Variants in SETDB1 observed in about 807,000 individuals in gnomAD.
SETDB1 encodes SET domain bifurcated histone lysine methyltransferase 1.
A neutral mutation model predicts 137.4 loss-of-function variants in SETDB1; 31 were observed. The ratio of observed to expected loss-of-function variants is 0.23; its 90% CI spans 0.17 to 0.30. SETDB1 has a LOEUF of 0.30. SETDB1 is among the 10% of genes least tolerant of loss of function. The pLI is 1.00. For missense variants in SETDB1, 1,113 were observed against 1,631.5 expected (o/e 0.68, Z 5.47); for synonymous variants, 548 against 579.9 (o/e 0.95, Z 0.79).
At chr1:150,946,056 G>T (rs183428470) in intron 9 of SETDB1, among the ~76,000 whole-genome samples, 3 of 151,964 alleles carry the variant, frequency 2.0e-5, no homozygotes, top group Admixed American at 6.6e-5. Context: ...GTCTCACTCT[G>T]CCACCCAGGC....
chr1:150,953,412 G>C (rs746799728), intron 14 of SETDB1, among the ~76,000 whole-genome samples: 19 of 151,626 alleles, frequency 1.3e-4, no homozygotes, highest in Non-Finnish European at 2.6e-4. Flanking sequence ...TGTAATCCCA[G>C]CTACTTGGGA....
intron 14 of SETDB1, among the ~76,000 whole-genome samples, chr1:150,954,326 A>C (rs1383895801): frequency 1.3e-5 from 2 of 152,156 alleles, no homozygotes; most frequent in East Asian, 3.8e-4. Context: ...TCTTATCTCT[A>C]AAACAAGAGG....
intron 5 of SETDB1, among the ~76,000 whole-genome samples, chr1:150,941,838 A>AG (rs1199520697): frequency 6.6e-6 from 1 of 152,064 alleles, no homozygotes. Context: ...ACAAAAAAAA[A>AG]TGTTTAAAAA....
In SETDB1 at chr1:150,963,129, G is replaced by T. The variant is rs755383271; in HGVS notation, c.3450G>T (p.Lys1150Asn). ...AAGGGGATGACTTTGAGGACAAGAA[G>T]AACATGACTGGTAGCCTGGAAAAAT... Reference protein sequence around the residue: ...GSEGDDFEDKKNMTGPMKRQV... With the variant: ...GSEGDDFEDKNNMTGPMKRQV... The change falls in exon 19 of 22, where the codon AAG becomes AAT. Residue 1150 changes from lysine (K) to asparagine (N), a missense_variant. Transcript: ENST00000692827. The T allele has an allele frequency of 1.1e-5, 17 of 1,611,748 alleles. No individual in the cohort carries two copies. In the Admixed American group the frequency reaches 2.3e-4, roughly 22 times the overall value.
chr1:150,933,779 C>CTTTTTTT lies in SETDB1; in HGVS notation c.412+3675_412+3681dup, dbSNP rs890205371. ...TCTTTTTCTTTTTCTTTTTCTTTTT[C>CTTTTTTT]TTTTTTTTTTTTTTTTTTTTGAGAT... On this transcript the variant is annotated intron_variant, in intron 3 of 21. Transcript: ENST00000692827. 2.4e-3 allele frequency among the ~76,000 whole-genome samples: 49 copies of CTTTTTTT among 20,096 alleles called. 1 individual carries two copies. Among genetic ancestry groups the CTTTTTTT allele is most frequent in the Middle Eastern group, 0.022 (1 of 46 alleles). 13.2% of individuals were successfully genotyped at this position (20,096 alleles called of 152,430 possible). A position where few individuals can be genotyped will look rare whatever the true frequency, so the allele number is the denominator to read the frequency against.
intron 14 of SETDB1, among the ~76,000 whole-genome samples, chr1:150,955,972 G>A (rs587615492): frequency 1.4e-3 from 206 of 152,100 alleles, no homozygotes; most frequent in Non-Finnish European, 2.6e-3. Flanking sequence ...CATGCCTGTA[G>A]TGCTAGCTAC....
At chr1:150,932,135 C>T (rs927649447) in intron 3 of SETDB1, among the ~76,000 whole-genome samples, 4 of 151,588 alleles carry the variant, frequency 2.6e-5, no homozygotes, top group Non-Finnish European at 4.4e-5. Flanking sequence ...CCTGAAATCC[C>T]AGCACCTTGG....
At chr1:150,933,783 T>C (rs1400827958) in intron 3 of SETDB1, among the ~76,000 whole-genome samples, 80 of 138,788 alleles carry the variant, frequency 5.8e-4, no homozygotes, top group Middle Eastern at 3.5e-3. Context: ...CTTTTTCTTT[T>C]TTTTTTTTTT....
rs1014205316 is a variant in SETDB1 at position 150,948,745 on chromosome 1, C to T, written c.1268-377C>T. 3.4e-5 allele frequency among the ~76,000 whole-genome samples: 5 copies of T among 148,858 alleles called. No homozygotes were observed. In the South Asian group the frequency reaches 6.4e-4, roughly 19 times the overall value. ...CCATTGCTGCTTTTTTTTTTTGAGACGAAGTCTTGTTCTGTTGCCCAGGCT... is the reference window on the plus strand; with the variant it reads ...CCATTGCTGCTTTTTTTTTTTGAGATGAAGTCTTGTTCTGTTGCCCAGGCT... On this transcript the variant is annotated intron_variant, in intron 10 of 21. Coordinates refer to ENST00000692827, the MANE Select transcript of SETDB1 (RefSeq NM_001366418.1).
Position 150,941,391 on chromosome 1 carries a change from T to C in SETDB1, c.510T>C (p.Ala170=). The change falls in exon 5 of 22, where the codon GCT becomes GCC. Residue 170 remains alanine (A), a synonymous_variant. Coordinates refer to ENST00000692827, the MANE Select transcript of SETDB1 (RefSeq NM_001366418.1). The part of the protein sequence containing the change: ...SAQDVQKFMD[A]VNKKSSSQDL... ...AAGATGTTCAGAAGTTCATGGATGC[T>C]GTCAACAAGAAGAGCAGTTCCCAGG... 3 of 1,613,468 alleles carry C rather than the reference T, an allele frequency of 1.9e-6. No individual in the cohort carries two copies. The highest frequency in any genetic ancestry group is 2.5e-6 in the Non-Finnish European group (3 of 1,179,398).
chr1:150,928,029 A>G, intron 2 of SETDB1, 55 bp downstream of exon 2: 3 of 1,567,454 alleles, frequency 1.9e-6, no homozygotes, highest in South Asian at 2.3e-5. Context: ...ATGTTTTTAG[A>G]GAATAATTGT....
chr1:150,945,922 GA>G (rs1558019038), intron 9 of SETDB1, among the ~76,000 whole-genome samples: 2 of 152,118 alleles, frequency 1.3e-5, no homozygotes, highest in Admixed American at 6.6e-5. Flanking sequence ...GGCTGGTCCC[GA>G]ACTCCTGACC....
At chr1:150,940,836 A>G (rs1459159752) in intron 4 of SETDB1, among the ~76,000 whole-genome samples, 1 of 151,842 alleles carries the variant, frequency 6.6e-6, no homozygotes, top group Non-Finnish European at 1.5e-5. Flanking sequence ...TGTCTCTACT[A>G]AAAATACAAA....
At chr1:150,940,510 A>G (rs931554265) in intron 4 of SETDB1, among the ~76,000 whole-genome samples, 7 of 147,496 alleles carry the variant, frequency 4.7e-5, no homozygotes, top group African/African-American at 1.8e-4. Flanking sequence ...AGAGGTTGCA[A>G]TGAGCTGAGA....
At chr1:150,961,335 C>A in intron 16 of SETDB1, 144 bp downstream of exon 16, 1 of 848,500 alleles carries the variant, frequency 1.2e-6, no homozygotes, top group Non-Finnish European at 1.9e-6. Flanking sequence ...CCCTAACTAG[C>A]ACATTCCTAG....
chr1:150,934,701 T>C (rs1273696746), intron 3 of SETDB1, among the ~76,000 whole-genome samples: 1 of 152,232 alleles, frequency 6.6e-6, no homozygotes, highest in Non-Finnish European at 1.5e-5. Flanking sequence ...CATTCCTTCC[T>C]GTGGATCTGA....
intron 5 of SETDB1, 28 bp from the exon 6 acceptor site, chr1:150,942,535 C>G (rs778510283): frequency 9.4e-6 from 15 of 1,598,684 alleles, no homozygotes; most frequent in Non-Finnish European, 1.2e-5. Context: ...TGTCATAACT[C>G]TTGAGAATAA....
chr1:150,930,737 C>T (rs2102637720), intron 3 of SETDB1, among the ~76,000 whole-genome samples: 1 of 151,926 alleles, frequency 6.6e-6, no homozygotes, highest in South Asian at 2.1e-4. Context: ...AGGGTTTCAT[C>T]ATCTTGGCCA....
At chr1:150,946,477 T>C (rs772704543) in intron 9 of SETDB1, among the ~76,000 whole-genome samples, 1 of 151,760 alleles carries the variant, frequency 6.6e-6, no homozygotes, top group Non-Finnish European at 1.5e-5. Flanking sequence ...GGATGGAGTT[T>C]CGCTCCTGTT....
Sources: gnomAD v4.1 joint callset for allele counts (sites outside exome capture counted in the v4.1 genomes callset) on GRCh38, gnomAD v4.1.1 for gene constraint, MANE v1.5 for transcripts, NCBI Gene and HGNC (gene_info 2026-07-23, HGNC 2026-07-21) for gene names.